Variants in NUDT2 observed in about 807,000 individuals in gnomAD.
NUDT2 encodes bis(5'-nucleosyl)-tetraphosphatase [asymmetrical].
NUDT2 carries 12 observed loss-of-function variants against 14.2 expected under a neutral mutation model. The ratio of observed to expected loss-of-function variants is 0.84; its 90% CI spans 0.54 to 1.37. NUDT2 has a LOEUF of 1.37. Among genes scored for constraint, NUDT2 ranks in the 40% most tolerant of loss-of-function variants. The pLI, the probability that NUDT2 is intolerant of heterozygous loss-of-function variation, is 0.00. For missense variants in NUDT2, 167 were observed against 176.7 expected, an observed-to-expected ratio of 0.95 and a Z score of 0.31; for synonymous variants, 67 against 67.4, an observed-to-expected ratio of 0.99 and a Z score of 0.03.
intron 4 of NUDT2, among the ~76,000 whole-genome samples, chr9:34,342,081 A>C (rs1426015138): frequency 6.6e-6 from 1 of 152,196 alleles, no homozygotes; most frequent in Admixed American, 6.5e-5. Context: ...CAGAGCTTCA[A>C]GTTCTCCTAC....
chr9:34,339,941 C>CTT (rs34588844), intron 4 of NUDT2, among the ~76,000 whole-genome samples: 71 of 148,648 alleles, frequency 4.8e-4, no homozygotes, highest in Middle Eastern at 7.1e-3. Context: ...TTTTTCTTTT[C>CTT]TTTTTTTTTT....
At chr9:34,331,372 C>T (rs943132558) in intron 1 of NUDT2, among the ~76,000 whole-genome samples, 6 of 152,198 alleles carry the variant, frequency 3.9e-5, no homozygotes, top group African/African-American at 1.4e-4. Flanking sequence ...AACAACCATG[C>T]AAAGTAGGTG....
intron 1 of NUDT2, among the ~76,000 whole-genome samples, chr9:34,330,776 A>C (rs1837898470): frequency 6.6e-6 from 1 of 152,076 alleles, no homozygotes; most frequent in South Asian, 2.1e-4. Context: ...CCTGGCTGAC[A>C]CGGTGAAACC....
At chr9:34,331,006 T>TA (rs1432680139) in intron 1 of NUDT2, among the ~76,000 whole-genome samples, 1 of 152,072 alleles carries the variant, frequency 6.6e-6, no homozygotes, top group Non-Finnish European at 1.5e-5. Context: ...AACAGGCAAA[T>TA]ACACTAGTCA....
At chr9:34,330,268 C>A (rs1380146894) in intron 1 of NUDT2, among the ~76,000 whole-genome samples, 1 of 152,064 alleles carries the variant, frequency 6.6e-6, no homozygotes, top group South Asian at 2.1e-4. Context: ...AGCCAGGCGT[C>A]GTGGCGGGCA....
At chr9:34,330,798 A>G (rs1006237790) in intron 1 of NUDT2, among the ~76,000 whole-genome samples, 2 of 151,870 alleles carry the variant, frequency 1.3e-5, no homozygotes, top group Non-Finnish European at 2.9e-5. Context: ...CGTCTCTACT[A>G]AAAACACAAA....
intron 2 of NUDT2, among the ~76,000 whole-genome samples, chr9:34,337,535 T>C (rs1339076700): frequency 6.6e-6 from 1 of 152,206 alleles, no homozygotes; most frequent in Non-Finnish European, 1.5e-5. Context: ...TTAGAAAAGC[T>C]TGGAAAGGTC....
intron 4 of NUDT2, among the ~76,000 whole-genome samples, chr9:34,340,137 T>C (rs1471449822): frequency 1.3e-5 from 2 of 152,116 alleles, no homozygotes; most frequent in Admixed American, 1.3e-4. Flanking sequence ...GGTTTCACCA[T>C]GTTGGCCAGG....
At chr9:34,339,767 C>G (rs1041992907) in intron 4 of NUDT2, among the ~76,000 whole-genome samples, 1 of 151,888 alleles carries the variant, frequency 6.6e-6, no homozygotes, top group African/African-American at 2.4e-5. Context: ...AACTTGAGCT[C>G]GAGAGATCAA....
chr9:34,329,661 G>A (rs1348696729), intron 1 of NUDT2, 62 bp downstream of exon 1: 1 of 152,378 alleles, frequency 6.6e-6, no homozygotes, highest in African/African-American at 2.4e-5. Context: ...GCCTTGGAGC[G>A]ATGGGAATCT....
At chr9:34,337,246 C>T (rs775131781) in intron 2 of NUDT2, among the ~76,000 whole-genome samples, 6 of 152,052 alleles carry the variant, frequency 3.9e-5, no homozygotes, top group African/African-American at 1.4e-4. Context: ...GTGATCTACC[C>T]GCCTTGGCCT....
rs540032386 is a variant in NUDT2 at position 34,332,798 on chromosome 9, A to T, written c.-265+3199A>T. ...TTTGAGGGAATATTTTCTTTGTCTC[A>T]ATTTATTCATGGTAGTTGGGGCTTT... On this transcript the variant is annotated intron_variant, in intron 1 of 4. Transcript: ENST00000379158. Among the ~76,000 whole-genome samples, 26 of 152,256 alleles carry T rather than the reference A, an allele frequency of 1.7e-4. No homozygotes were observed. In the South Asian group the frequency reaches 5.0e-3, roughly 29 times the overall value.
At chr9:34,330,541 T>G (rs1837882391) in intron 1 of NUDT2, among the ~76,000 whole-genome samples, 1 of 152,284 alleles carries the variant, frequency 6.6e-6, no homozygotes, top group Non-Finnish European at 1.5e-5. Flanking sequence ...CAGACATCTC[T>G]GAGCTATAGT....
rs781524671 is a variant in NUDT2 at position 34,343,233 on chromosome 9, A to G, written c.237A>G (p.Glu79=). The change falls in exon 5 of 5, where the codon GAA becomes GAG. Residue 79 remains glutamate, a synonymous_variant. Transcript: ENST00000379158. ...QLTIIEGFKR[E]LNYVARNKPK... ...CCATTATTGAGGGGTTCAAAAGGGA[A>G]CTCAATTATGTGGCCAGGAACAAGC... 1.9e-6 allele frequency: 3 copies of G among 1,581,774 alleles called. No homozygotes were observed. The highest frequency in any genetic ancestry group is 4.5e-5 in the East Asian group (2 of 44,626).
chr9:34,330,340 G>A (rs1350919783), intron 1 of NUDT2, among the ~76,000 whole-genome samples: 9 of 152,210 alleles, frequency 5.9e-5, no homozygotes, highest in African/African-American at 2.2e-4. Context: ...AGGAGGCGGA[G>A]CTTGCAGTGA....
At chr9:34,341,199 T>C (rs940173360) in intron 4 of NUDT2, among the ~76,000 whole-genome samples, 3 of 152,262 alleles carry the variant, frequency 2.0e-5, no homozygotes, top group Non-Finnish European at 4.4e-5. Context: ...TTCCTCTCAC[T>C]ACCTGATGTC....
chr9:34,334,972 A>G (rs1838051815), intron 1 of NUDT2, among the ~76,000 whole-genome samples: 1 of 152,216 alleles, frequency 6.6e-6, no homozygotes, highest in South Asian at 2.1e-4. Context: ...AGGACAGAGC[A>G]GGGTACCAGG....
At chr9:34,333,257 C>G (rs931621211) in intron 1 of NUDT2, among the ~76,000 whole-genome samples, 1 of 152,080 alleles carries the variant, frequency 6.6e-6, no homozygotes, top group Non-Finnish European at 1.5e-5. Context: ...ACGGCCCTCT[C>G]CCCCCAACTA....
chr9:34,337,901 G>C (rs980436094), intron 2 of NUDT2, among the ~76,000 whole-genome samples: 1 of 151,846 alleles, frequency 6.6e-6, no homozygotes, highest in African/African-American at 2.4e-5. Context: ...GCAGTGGCCC[G>C]ATCTCGGCTC....
Sources: gnomAD v4.1 joint callset for allele counts (sites outside exome capture counted in the v4.1 genomes callset) on GRCh38, gnomAD v4.1.1 for gene constraint, MANE v1.5 for transcripts, NCBI Gene and HGNC (gene_info 2026-07-23, HGNC 2026-07-21) for gene names.